TNFRSF25: variants seen among roughly 807,000 people sequenced by gnomAD.
TNFRSF25 encodes the protein tumor necrosis factor receptor superfamily member 25.
Under a neutral mutation model 49.4 loss-of-function variants are expected in TNFRSF25, and 28 were observed. The ratio of observed to expected loss-of-function variants is 0.57; its 90% CI spans 0.42 to 0.78. The LOEUF is 0.78. Among genes scored for constraint, TNFRSF25 ranks in the 30% least tolerant of loss-of-function variants. TNFRSF25 has a pLI of 0.00. For synonymous variants in TNFRSF25, 240 were observed against 234.2 expected, an observed-to-expected ratio of 1.02 and a Z score of -0.23; for missense variants, 531 against 581.6, an observed-to-expected ratio of 0.91 and a Z score of 0.90.
Position 6,465,563 on chromosome 1 carries a change from G to A in TNFRSF25, c.40-3C>T, listed in dbSNP as rs747404647. ...CCCAGCAGCACCAGGAGGAGCGCCT[G>A]GGGGACAGGTGCTGCTGACTCTCAG... is the stretch of plus-strand genomic sequence containing the variant. On this transcript the variant is annotated splice_polypyrimidine_tract_variant and splice_region_variant and intron_variant, in intron 1 of 9. Coordinates refer to ENST00000356876, the MANE Select transcript of TNFRSF25 (RefSeq NM_003790.3). 1.9e-6 allele frequency: 3 copies of A among 1,611,794 alleles called. No individual in the cohort carries two copies. The highest frequency in any genetic ancestry group is 1.3e-5 in the African/African-American group (1 of 74,864).
chr1:6,464,091 T>C, intron 5 of TNFRSF25: 1 of 1,296,302 alleles, frequency 7.7e-7, no homozygotes, highest in Non-Finnish European at 9.9e-7. Context: ...TCAATGTGAC[T>C]CTCTGTGTAA....
Position 6,465,481 on chromosome 1 carries a change from T to C in TNFRSF25, c.119A>G (p.His40Arg). 6.2e-7 allele frequency: 1 copy of C among 1,614,018 alleles called. No individual in the cohort carries two copies. The highest frequency in any genetic ancestry group is 8.5e-7 in the Non-Finnish European group (1 of 1,180,000). ...GCAACAAAACAGACCAATCTTCTTG[T>C]GGAAGTCACCGGCACAGTCACACCT... ...SPRCDCAGDF[H>R]KKIGLFCCRG... Residue 40 changes from histidine to arginine, a missense_variant, in exon 2 of 10, where the codon CAC (histidine) becomes CGC (arginine). Coordinates refer to ENST00000356876, the MANE Select transcript of TNFRSF25 (RefSeq NM_003790.3).
rs931908489 is a variant in TNFRSF25 at position 6,461,093 on chromosome 1, C to T, written c.*341G>A. 9 of 536,308 alleles carry T rather than the reference C, an allele frequency of 1.7e-5. No homozygotes were observed. Among genetic ancestry groups the T allele is most frequent in the Non-Finnish European group, 2.6e-5 (7 of 271,064 alleles). 33.2% of individuals were successfully genotyped at this position (536,308 alleles called of 1,614,324 possible). ...ACAAGATTCCCGTCCCCTTCGAATC[C>T]CTCGAGAAAAGTCCAGTCCACTTAA... On this transcript the variant is annotated 3_prime_UTR_variant, in exon 10 of 10. Coordinates refer to ENST00000356876, the MANE Select transcript of TNFRSF25 (RefSeq NM_003790.3). The surrounding 1 kb of genome is among the most constrained non-coding windows in gnomAD (Gnocchi z 6.3).
chr1:6,460,924 A>C lies in TNFRSF25; in HGVS notation c.*510T>G. On this transcript the variant is annotated 3_prime_UTR_variant, in exon 10 of 10. Transcript: ENST00000356876. The stretch of plus-strand genomic sequence containing the variant: ...CTCGCAGCCCCATTAAAGCGCTCTC[A>C]TCTGGGCTCCGGTTCACTCACTCGC... 2 of 358,032 alleles carry C rather than the reference A, an allele frequency of 5.6e-6. No homozygotes were observed. The highest frequency in any genetic ancestry group is 4.4e-5 in the South Asian group (2 of 45,366). 22.2% of individuals were successfully genotyped at this position (358,032 alleles called of 1,614,324 possible).
Position 6,462,247 on chromosome 1 carries a change from G to T in TNFRSF25, c.745-73C>A. On this transcript the variant is annotated intron_variant, in intron 8 of 9. Coordinates refer to ENST00000356876, the MANE Select transcript of TNFRSF25 (RefSeq NM_003790.3). The surrounding 1 kb of genome is among the most constrained non-coding windows in gnomAD (Gnocchi z 4.2). ...CCCCTTACCCGCAGTGCCTCTCCAG[G>T]AGGGGACAGTCCCTGGTTCAGTCAG... The T allele has an allele frequency of 6.6e-7, 1 of 1,521,450 alleles. No homozygotes were observed. The highest frequency in any genetic ancestry group is 1.3e-5 in the South Asian group (1 of 77,734). 94.2% of individuals were successfully genotyped at this position (1,521,450 alleles called of 1,614,324 possible).
Position 6,460,870 on chromosome 1 carries a change from G to C in TNFRSF25, c.*564C>G. 6.2e-6 allele frequency: 2 copies of C among 322,082 alleles called. No individual in the cohort carries two copies. The highest frequency in any genetic ancestry group is 1.8e-4 in the East Asian group (2 of 10,814). 20.0% of individuals were successfully genotyped at this position (322,082 alleles called of 1,614,324 possible). On this transcript the variant is annotated 3_prime_UTR_variant, in exon 10 of 10. Transcript: ENST00000356876. ...CCCTGACCCTGTGTCTCCAACTGCT[G>C]CACCCCATCCCGACCCTGTCTCCGC...
Position 6,462,703 on chromosome 1 carries a change from C to G in TNFRSF25, c.707-37G>C. 6.2e-7 allele frequency: 1 copy of G among 1,609,860 alleles called. No individual in the cohort carries two copies. Among genetic ancestry groups the G allele is most frequent in the Non-Finnish European group, 8.5e-7 (1 of 1,177,814 alleles). On this transcript the variant is annotated intron_variant, in intron 7 of 9. Coordinates refer to ENST00000356876, the MANE Select transcript of TNFRSF25 (RefSeq NM_003790.3). The surrounding 1 kb of genome is among the most constrained non-coding windows in gnomAD (Gnocchi z 4.2). ...AGAGAGATTGCGGTCAGCCACCAGG[C>G]AAGCCTCCTGGACCTGGGTGCTGGT... is the stretch of plus-strand genomic sequence containing the variant.
At position 6,461,607 on chromosome 1, in the gene TNFRSF25, T is replaced by C; in HGVS notation, c.1081A>G (p.Ile361Val). Residue 361 changes from isoleucine (I) to valine (V), a missense_variant, in exon 10 of 10, where the codon ATC becomes GTC. Ile to Val is a conservative substitution (Grantham distance 29). Transcript: ENST00000356876. The surrounding 1 kb of genome is among the most constrained non-coding windows in gnomAD (Gnocchi z 6.3). ...VRTLGLREAE[I>V]EAVEVEIGRF... ...CCGATCTCCACCTCCACGGCTTCGA[T>C]CTCTGCCTCGCGCAGCCCCAGCGTG... 1 of 1,609,980 alleles carries C rather than the reference T, an allele frequency of 6.2e-7. No individual in the cohort carries two copies. The highest frequency in any genetic ancestry group is 8.5e-7 in the Non-Finnish European group (1 of 1,179,374).
At chr1:6,465,648 A>G in intron 1 of TNFRSF25, 88 bp from the exon 2 acceptor site, 1 of 1,528,450 alleles carries the variant, frequency 6.5e-7, no homozygotes, top group Non-Finnish European at 8.8e-7. Context: ...AGGCCCCAGC[A>G]TTTGCCCACA....
chr1:6,463,217 AC>A, intron 5 of TNFRSF25, 90 bp from the exon 6 acceptor site: 1 of 1,327,372 alleles, frequency 7.5e-7, no homozygotes, highest in Admixed American at 2.1e-5. Flanking sequence ...CATCCTAGAG[AC>A]CCTTCCCTCC....
rs776976558 is a variant in TNFRSF25 at position 6,462,927 on chromosome 1, G to A, written c.642C>T (p.Leu214=). 1.2e-6 allele frequency: 2 copies of A among 1,603,664 alleles called. No individual in the cohort carries two copies. The highest frequency in any genetic ancestry group is 1.1e-5 in the South Asian group (1 of 89,372). The change falls in exon 7 of 10, where the codon CTC becomes CTT. Residue 214 remains leucine, a synonymous_variant. Transcript: ENST00000356876. The surrounding 1 kb of genome is among the most constrained non-coding windows in gnomAD (Gnocchi z 4.2). ...QVLLAGLVVP[L]LLGATLTYTY... is the part of the protein sequence containing the mutation. ...TGTAGGTCAGGGTGGCCCCAAGCAG[G>A]AGGGGGACCACAAGGCCAGCCAGGA...
In TNFRSF25 at chr1:6,462,524, C is replaced by T. The variant is rs548113000; in HGVS notation, c.744+105G>A. ...ACTCTGCTCCCAACACCTCTGTCCA[C>T]TAGGGCTACCCGGTGCTGGCCGCGT... On this transcript the variant is annotated intron_variant, in intron 8 of 9. Coordinates refer to ENST00000356876, the MANE Select transcript of TNFRSF25 (RefSeq NM_003790.3). This position sits in a 1 kb window ranked among gnomAD's most constrained non-coding sequence, Gnocchi z 4.2. 3 of 1,546,400 alleles carry T rather than the reference C, an allele frequency of 1.9e-6. No homozygotes were observed. The East Asian group carries it at 6.7e-5, about 35-fold the overall frequency.
Position 6,461,521 on chromosome 1 carries a change from GC to G in TNFRSF25, c.1166del (p.Gly389AlafsTer97). The part of the protein sequence containing the change: ...LKRWRQQQPA[G>X]LGAVYAALER... ...CCAGGGCCGCGTAAACGGCTCCGAG[GC>G]CCGCGGGCTGCTGCTGGCGCCAGCG... On this transcript the variant is annotated frameshift_variant, in exon 10 of 10. Transcript: ENST00000356876. LOFTEE classifies it high-confidence loss of function. The surrounding 1 kb of genome is among the most constrained non-coding windows in gnomAD (Gnocchi z 6.3). 2 of 1,603,564 alleles carry G rather than the reference GC, an allele frequency of 1.2e-6. No individual in the cohort carries two copies. Among genetic ancestry groups the G allele is most frequent in the Non-Finnish European group, 1.7e-6 (2 of 1,177,370 alleles).
chr1:6,465,580 G>A lies in TNFRSF25; in HGVS notation c.40-20C>T, dbSNP rs1485033617. On this transcript the variant is annotated intron_variant, in intron 1 of 9. Transcript: ENST00000356876. The stretch of plus-strand genomic sequence containing the variant: ...GAGCGCCTGGGGGACAGGTGCTGCT[G>A]ACTCTCAGCGCAGCTGCCCACGTGG... 8.1e-6 allele frequency: 13 copies of A among 1,608,360 alleles called. No homozygotes were observed. The highest frequency in any genetic ancestry group is 1.7e-4 in the Middle Eastern group (1 of 6,056).
intron 5 of TNFRSF25, 23 bp from the exon 6 acceptor site, chr1:6,463,150 G>A: frequency 6.5e-7 from 1 of 1,549,554 alleles, no homozygotes; most frequent in Non-Finnish European, 8.7e-7. Context: ...GGGGTGGCCT[G>A]AGGGATGAGG....
Position 6,462,186 on chromosome 1 carries a change from G to C in TNFRSF25, c.745-12C>G. 1 of 1,595,826 alleles carries C rather than the reference G, an allele frequency of 6.3e-7. No homozygotes were observed. The highest frequency in any genetic ancestry group is 8.5e-7 in the Non-Finnish European group (1 of 1,170,018). On this transcript the variant is annotated splice_polypyrimidine_tract_variant and intron_variant, in intron 8 of 9. Coordinates refer to ENST00000356876, the MANE Select transcript of TNFRSF25 (RefSeq NM_003790.3). The surrounding 1 kb of genome is among the most constrained non-coding windows in gnomAD (Gnocchi z 4.2). ...GACAGATGGGTGGCCTGGAAGCCAA[G>C]AGGGGCCCCAGGTCAGCCCTGCTTG...
In TNFRSF25 at chr1:6,462,880, T is replaced by A; in HGVS notation, c.689A>T (p.His230Leu). 6.2e-7 allele frequency: 1 copy of A among 1,608,432 alleles called. No individual in the cohort carries two copies. The highest frequency in any genetic ancestry group is 8.5e-7 in the Non-Finnish European group (1 of 1,177,492). Reference sequence around the variant, plus strand: ...GTACTTACCAGTAACCAGGGGCTTGTGAGGCCAGCAGTGGCGGTATGTGTA... The same window carrying A: ...GTACTTACCAGTAACCAGGGGCTTGAGAGGCCAGCAGTGGCGGTATGTGTA... ...LTYTYRHCWPHKPLVTADEAG... is the reference protein window; with the variant it reads ...LTYTYRHCWPLKPLVTADEAG... Residue 230 changes from histidine (H) to leucine (L), a missense_variant, in exon 7 of 10, where the codon CAC becomes CTC. By Grantham distance (99) the His-to-Leu change is moderately conservative. Transcript: ENST00000356876. The surrounding 1 kb of genome is among the most constrained non-coding windows in gnomAD (Gnocchi z 4.2).
In TNFRSF25 at chr1:6,462,993, G is replaced by A; in HGVS notation, c.599-23C>T. 1.3e-6 allele frequency: 2 copies of A among 1,568,828 alleles called. No individual in the cohort carries two copies. Among genetic ancestry groups the A allele is most frequent in the Non-Finnish European group, 1.7e-6 (2 of 1,156,180 alleles). On this transcript the variant is annotated intron_variant, in intron 6 of 9. Coordinates refer to ENST00000356876, the MANE Select transcript of TNFRSF25 (RefSeq NM_003790.3). The surrounding 1 kb of genome is among the most constrained non-coding windows in gnomAD (Gnocchi z 4.2). Reference sequence around the variant, plus strand: ...ACACTGAAAGCAGCTGGTGGGTGTTGGGTGGTTGCCCCCCTCCTCACCCGC... The same window carrying A: ...ACACTGAAAGCAGCTGGTGGGTGTTAGGTGGTTGCCCCCCTCCTCACCCGC...
rs768958419 is a variant in TNFRSF25 at position 6,466,151 on chromosome 1, C to CAAGCAGAGA, written c.-45_-44insTCTCTGCTT. The CAAGCAGAGA allele has an allele frequency of 7.3e-7, 1 of 1,374,484 alleles. No homozygotes were observed. The highest frequency in any genetic ancestry group is 3.5e-5 in the Admixed American group (1 of 28,310). The allele number at this position is 1,374,484 out of a possible 1,614,324, so 85.1% of individuals were successfully genotyped here. A position where few individuals can be genotyped will look rare whatever the true frequency, so the allele number is the denominator to read the frequency against. On this transcript the variant is annotated 5_prime_UTR_variant, in exon 1 of 10. Coordinates refer to ENST00000356876, the MANE Select transcript of TNFRSF25 (RefSeq NM_003790.3). ...CAGGGGCTTCCCGGCTCCGTGCTCT[C>CAAGCAGAGA]TGCCCGTCGTGGTTCCGCCTTCAGC...
Sources: gnomAD v4.1 joint callset for allele counts on GRCh38, gnomAD v4.1.1 for gene constraint, Gnocchi (gnomAD v3.1) non-coding constraint, MANE v1.5 for transcripts, NCBI Gene and HGNC (gene_info 2026-07-23, HGNC 2026-07-21) for gene names.